The following TNS1 variants were observed in gnomAD, a reference collection of about 807,000 sequenced individuals.
TNS1 encodes tensin 1.
In TNS1, 62 loss-of-function variants were observed where a neutral mutation model predicts 168.6. The observed-to-expected ratio is 0.37, with a 90% CI of 0.30 to 0.45. The LOEUF (loss-of-function observed/expected upper bound fraction) is 0.45. TNS1 is among the 20% of genes least tolerant of loss of function. The pLI is 1.00. For missense variants in TNS1, 2,240 were observed against 2,339.4 expected (o/e 0.96, Z 0.88); for synonymous variants, 934 against 933.2 (o/e 1.00, Z -0.02).
At chr2:217,849,657 C>T in intron 18 of TNS1, 1 of 985,410 alleles carries the variant, frequency 1.0e-6, no homozygotes, top group Non-Finnish European at 1.2e-6. Context: ...CCTCCGCCAC[C>T]CCATCTCAAA....
intron 3 of TNS1, among the ~76,000 whole-genome samples, chr2:217,931,775 C>T (rs777161897): frequency 2.6e-5 from 4 of 152,130 alleles, no homozygotes; most frequent in African/African-American, 7.2e-5. Flanking sequence ...TTGTACACAT[C>T]GATCCTAAGG....
At position 217,818,270 on chromosome 2, in the gene TNS1, T is replaced by G. The variant is rs577543710; in HGVS notation, c.4062A>C (p.Pro1354=). ...GGCCAGAAACCTGGTAGACCCCTGC[T>G]GGGTGCCGACACAGGCTGGGGCTCC... ...TPGSPSLCRH[P]AGVYQVSGLH... The change falls in exon 24 of 33, where the codon CCA becomes CCC. Residue 1354 remains proline (P), a synonymous_variant. Transcript: ENST00000682258. The G allele has an allele frequency of 1.9e-6, 3 of 1,613,188 alleles. No homozygotes were observed. The highest frequency in any genetic ancestry group is 2.5e-6 in the Non-Finnish European group (3 of 1,179,608).
chr2:217,988,994 G>C (rs76999830), intron 2 of TNS1, among the ~76,000 whole-genome samples: 3,083 of 152,274 alleles, frequency 0.02, 116 homozygotes, highest in African/African-American at 0.07. Context: ...CTGGGACTTT[G>C]ACATGGAGGG....
At chr2:217,806,880 A>G (rs116716385) in intron 32 of TNS1, among the ~76,000 whole-genome samples, 3,958 of 152,314 alleles carry the variant, frequency 0.026, 150 homozygotes, top group African/African-American at 0.091. Context: ...GGGAGCTTGC[A>G]GGCTGGTGGC....
At chr2:217,932,358 C>T (rs1435936919) in intron 3 of TNS1, among the ~76,000 whole-genome samples, 1 of 152,200 alleles carries the variant, frequency 6.6e-6, no homozygotes, top group Non-Finnish European at 1.5e-5. Context: ...GTTTGCCCCT[C>T]TGTAAAATGG....
intron 18 of TNS1, among the ~76,000 whole-genome samples, chr2:217,874,698 A>G (rs1221050018): frequency 6.6e-6 from 1 of 152,204 alleles, no homozygotes; most frequent in Non-Finnish European, 1.5e-5. Flanking sequence ...CAGCACTTCA[A>G]TAATAATAAT....
At chr2:217,831,615 C>T (rs897147402) in intron 21 of TNS1, 68 bp from the exon 22 acceptor site, 29 of 1,271,662 alleles carry the variant, frequency 2.3e-5, no homozygotes, top group South Asian at 3.5e-5. Context: ...ACGCCAGGCA[C>T]GTGAGGGCAC....
chr2:217,991,025 C>T lies in TNS1; in HGVS notation c.65G>A (p.Arg22His), dbSNP rs1159589952. 19 of 693,236 alleles carry T rather than the reference C, an allele frequency of 2.7e-5. No individual in the cohort carries two copies. Among genetic ancestry groups the T allele is most frequent in the Non-Finnish European group, 4.2e-5 (16 of 378,088 alleles). 42.9% of individuals were successfully genotyped at this position (693,236 alleles called of 1,614,324 possible). ...CTTCTTGAAGGTCTTCACCTTGAAG[C>T]GGTGTGTCTTGGGGGCCTCCAGATC... ...PEDLEAPKTH[R>H]FKVKTFKKVK... Residue 22 changes from arginine to histidine, a missense_variant, in exon 2 of 33, where the codon CGC becomes CAC. Physicochemically the swap from Arg to His is conservative, Grantham distance 29. Around this residue, in one of 2 missense-constraint regions of TNS1, gnomAD observed 2,131 missense variants for 2,171.2 expected, o/e 0.98. Coordinates refer to ENST00000682258, the MANE Select transcript of TNS1 (RefSeq NM_001387777.1).
At position 217,808,148 on chromosome 2, in the gene TNS1, T is replaced by C. The variant is rs773152647; in HGVS notation, c.5343-41A>G. 2.5e-6 allele frequency: 4 copies of C among 1,608,478 alleles called. No homozygotes were observed. In the South Asian group the frequency reaches 3.3e-5, roughly 13 times the overall value. On this transcript the variant is annotated intron_variant, in intron 31 of 32. Coordinates refer to ENST00000682258, the MANE Select transcript of TNS1 (RefSeq NM_001387777.1). The stretch of plus-strand genomic sequence containing the variant: ...GGGCTCAGGGTAAATCATCGTACTT[T>C]CTCCCTAGAGCCCAGCCCCACCCAT...
At chr2:217,829,633 C>T (rs947287372) in intron 22 of TNS1, among the ~76,000 whole-genome samples, 1 of 152,146 alleles carries the variant, frequency 6.6e-6, no homozygotes, top group Non-Finnish European at 1.5e-5. Flanking sequence ...CCTGAGCCAG[C>T]GCCTGGCAGC....
intron 4 of TNS1, among the ~76,000 whole-genome samples, chr2:217,908,393 T>C (rs142885439): frequency 1.5e-3 from 235 of 152,254 alleles, no homozygotes; most frequent in African/African-American, 5.5e-3. Flanking sequence ...GGCCCTCAAA[T>C]TGGGCAGAAA....
intron 6 of TNS1, chr2:217,905,381 G>A (rs773362958): frequency 4.0e-5 from 18 of 451,804 alleles, no homozygotes; most frequent in South Asian, 2.5e-4. Context: ...GGATGCTGCC[G>A]CTTTGTAGGG....
chr2:217,899,157 A>G (rs747225133), intron 7 of TNS1, among the ~76,000 whole-genome samples: 42 of 152,320 alleles, frequency 2.8e-4, no homozygotes, highest in African/African-American at 4.1e-4. Flanking sequence ...CCAGGGTTCA[A>G]TCCCAGTCCA....
At chr2:217,815,268 C>A in intron 24 of TNS1, 1 of 404,116 alleles carries the variant, frequency 2.5e-6, no homozygotes, top group South Asian at 4.4e-5. Context: ...TGGGGTGATG[C>A]GTCTACATGC....
At chr2:217,934,581 T>G (rs1017573970) in intron 3 of TNS1, among the ~76,000 whole-genome samples, 6 of 152,094 alleles carry the variant, frequency 3.9e-5, no homozygotes, top group Admixed American at 1.3e-4. Flanking sequence ...TCTTCCCCAG[T>G]CCCCTCCTTT....
rs1196404512 is a variant in TNS1 at position 217,805,233 on chromosome 2, T to C, written c.5376-630A>G. ...TCTCTTCGCAAAACAGAGTTAAAAA[T>C]ATGAGGGCAGAGAACAGAATGTGAG... On this transcript the variant is annotated intron_variant, in intron 32 of 32. Coordinates refer to ENST00000682258, the MANE Select transcript of TNS1 (RefSeq NM_001387777.1). Among the ~76,000 whole-genome samples, 4 of 136,096 alleles carry C rather than the reference T, an allele frequency of 2.9e-5. 1 individual carries two copies. The highest frequency in any genetic ancestry group is 6.2e-5 in the Non-Finnish European group (4 of 64,084). The allele number at this position is 136,096 out of a possible 152,430, so 89.3% of individuals were successfully genotyped here.
At chr2:217,976,850 A>C (rs1957909344) in intron 3 of TNS1, among the ~76,000 whole-genome samples, 1 of 152,202 alleles carries the variant, frequency 6.6e-6, no homozygotes, top group Non-Finnish European at 1.5e-5. Flanking sequence ...AAGCAAAAGG[A>C]AGAATGGCAG....
At position 217,948,117 on chromosome 2, in the gene TNS1, C is replaced by G. The variant is rs16858477; in HGVS notation, c.187-27881G>C. On this transcript the variant is annotated intron_variant, in intron 3 of 32. Coordinates refer to ENST00000682258, the MANE Select transcript of TNS1 (RefSeq NM_001387777.1). The surrounding 1 kb of genome is among the most constrained non-coding windows in gnomAD (Gnocchi z 4.1). The stretch of plus-strand genomic sequence containing the variant: ...TACCTCCGGAGGGCACCACATCACC[C>G]GACTCCCACACTCAAGGAGCCAGAC... 0.12 allele frequency among the ~76,000 whole-genome samples: 17,771 copies of G among 152,188 alleles called. 1,116 individuals are homozygous for G. Among genetic ancestry groups the G allele is most frequent in the Middle Eastern group, 0.18 (52 of 294 alleles).
At chr2:217,805,905 C>CAA (rs1488644971) in intron 32 of TNS1, among the ~76,000 whole-genome samples, 7 of 151,996 alleles carry the variant, frequency 4.6e-5, no homozygotes, top group African/African-American at 1.7e-4. Flanking sequence ...CACACACACA[C>CAA]ACACATAATC....
Sources: gnomAD v4.1 joint callset for allele counts (sites outside exome capture counted in the v4.1 genomes callset) on GRCh38, gnomAD v4.1.1 for gene constraint, gnomAD v4.1.1 regional missense constraint, Gnocchi (gnomAD v3.1) non-coding constraint, MANE v1.5 for transcripts, NCBI Gene and HGNC (gene_info 2026-07-23, HGNC 2026-07-21) for gene names.